The following R3HDM2 variants were observed in gnomAD, a reference collection of about 807,000 sequenced individuals.
R3HDM2 encodes the protein R3H domain containing 2, also known as R3H domain-containing protein 2.
In R3HDM2, 38 loss-of-function variants were observed where a neutral mutation model predicts 124.5. The ratio of observed to expected loss-of-function variants is 0.31; its 90% CI spans 0.24 to 0.40. The LOEUF (loss-of-function observed/expected upper bound fraction) is 0.40. R3HDM2 is among the 10% of genes least tolerant of loss of function. R3HDM2 has a pLI of 1.00. For synonymous variants in R3HDM2, 391 were observed against 448.0 expected (o/e 0.87, Z 1.61); for missense variants, 869 against 1,236.9 (o/e 0.70, Z 4.46).
At chr12:57,414,853 A>G (rs986554825) in intron 1 of R3HDM2, among the ~76,000 whole-genome samples, 2 of 152,002 alleles carry the variant, frequency 1.3e-5, no homozygotes, top group African/African-American at 2.4e-5. Flanking sequence ...AATACAAAAG[A>G]AAAGAATGAG....
At position 57,280,458 on chromosome 12, in the gene R3HDM2, C is replaced by T. The variant is rs1403574508; in HGVS notation, c.1244G>A (p.Cys415Tyr). 6.2e-7 allele frequency: 1 copy of T among 1,613,960 alleles called. No individual in the cohort carries two copies. The highest frequency in any genetic ancestry group is 8.5e-7 in the Non-Finnish European group (1 of 1,179,982). Residue 415 changes from cysteine to tyrosine, a missense_variant, in exon 14 of 24, where the codon TGT becomes TAT. Coordinates refer to ENST00000402412, the MANE Select transcript of R3HDM2 (RefSeq NM_001394031.1). The stretch of plus-strand genomic sequence containing the variant: ...CTGCTGCTGTTGCTGCTGGGCAGTA[C>T]AAGGGAGAAGCCCCCGGACAGACTG... ...SSQSVRGLLP[C>Y]TAQQQQQQQQ...
chr12:57,429,759 G>A (rs1869214302), intron 1 of R3HDM2, among the ~76,000 whole-genome samples: 1 of 150,326 alleles, frequency 6.7e-6, no homozygotes, highest in African/African-American at 2.5e-5. Context: ...GCAACAAAAA[G>A]GGGGGCGGGG....
At chr12:57,314,185 T>A in intron 2 of R3HDM2, among the ~76,000 whole-genome samples, 1 of 129,526 alleles carries the variant, frequency 7.7e-6, no homozygotes, top group Non-Finnish European at 1.6e-5. Flanking sequence ...CAAAAATCCA[T>A]CTCAAAAAAA....
chr12:57,309,821 G>A (rs1428903372), intron 3 of R3HDM2, among the ~76,000 whole-genome samples: 1 of 152,154 alleles, frequency 6.6e-6, no homozygotes, highest in African/African-American at 2.4e-5. Flanking sequence ...TGACAAAAAG[G>A]GAAGATTTCT....
At chr12:57,401,782 G>A (rs2068074095) in intron 1 of R3HDM2, among the ~76,000 whole-genome samples, 1 of 152,032 alleles carries the variant, frequency 6.6e-6, no homozygotes, top group African/African-American at 2.4e-5. Flanking sequence ...TCAGGAGTTC[G>A]AGACCAGCCT....
In R3HDM2 at chr12:57,320,261, C is replaced by CAAAAAAA. The variant is rs56207989; in HGVS notation, c.-35-9805_-35-9799dup. 3.5e-3 allele frequency among the ~76,000 whole-genome samples: 50 copies of CAAAAAAA among 14,278 alleles called. 10 individuals are homozygous for CAAAAAAA. The highest frequency in any genetic ancestry group is 0.015 in the East Asian group (2 of 136). 9.4% of individuals were successfully genotyped at this position (14,278 alleles called of 152,430 possible). On this transcript the variant is annotated intron_variant, in intron 2 of 23. Transcript: ENST00000402412. ...GGGCAACAAGAGTGCAACTCTATCT[C>CAAAAAAA]AAAAAAAAAAAAAAAAAAAAAAAAA...
At chr12:57,269,512 T>C in intron 15 of R3HDM2, 63 bp from the exon 16 acceptor site, 1 of 1,582,852 alleles carries the variant, frequency 6.3e-7, no homozygotes, top group Non-Finnish European at 8.6e-7. Context: ...ATCAGCATAC[T>C]ACTATAAATG....
At chr12:57,314,749 CA>C (rs1195968700) in intron 2 of R3HDM2, among the ~76,000 whole-genome samples, 4 of 152,166 alleles carry the variant, frequency 2.6e-5, no homozygotes, top group African/African-American at 9.7e-5. Context: ...ATTAAGTTTA[CA>C]TCTTTTATCA....
Position 57,375,908 on chromosome 12 carries a change from G to A in R3HDM2, c.-36+19841C>T, listed in dbSNP as rs150093053. On this transcript the variant is annotated intron_variant, in intron 2 of 23. Transcript: ENST00000402412. The stretch of plus-strand genomic sequence containing the variant: ...AGGATGGTCTCGATCTCCTGACCTC[G>A]TGATCCACCCACCTCGGCCTCCCAA... 2.1e-3 allele frequency among the ~76,000 whole-genome samples: 327 copies of A among 152,108 alleles called. 9 individuals are homozygous for A. In the East Asian group the frequency reaches 0.051, roughly 24 times the overall value.
intron 2 of R3HDM2, among the ~76,000 whole-genome samples, chr12:57,381,764 T>A (rs2064915036): frequency 6.6e-6 from 1 of 152,044 alleles, no homozygotes; most frequent in African/African-American, 2.4e-5. Flanking sequence ...AGGCTGAGAA[T>A]TGCAATTTTA....
chr12:57,257,308 G>A (rs1264540443), intron 21 of R3HDM2, among the ~76,000 whole-genome samples: 1 of 152,082 alleles, frequency 6.6e-6, no homozygotes, highest in African/African-American at 2.4e-5. Flanking sequence ...CATTAATGTT[G>A]CTGGAAAGGT....
chr12:57,314,763 TG>T (rs1305439514), intron 2 of R3HDM2, among the ~76,000 whole-genome samples: 3 of 150,836 alleles, frequency 2.0e-5, no homozygotes, highest in Admixed American at 6.6e-5. Context: ...TTTTATCACA[TG>T]ATAGGCCTTC....
At chr12:57,335,525 T>A (rs1361859960) in intron 2 of R3HDM2, among the ~76,000 whole-genome samples, 3 of 141,070 alleles carry the variant, frequency 2.1e-5, no homozygotes, top group Admixed American at 7.4e-5. Context: ...AGTGACAGCA[T>A]CTTGCTATGT....
At chr12:57,364,706 G>A (rs1211630458) in intron 2 of R3HDM2, among the ~76,000 whole-genome samples, 4 of 151,844 alleles carry the variant, frequency 2.6e-5, no homozygotes, top group Non-Finnish European at 5.9e-5. Flanking sequence ...TGTAATCCCA[G>A]CACTTTGGGA....
chr12:57,418,955 A>G (rs1337974641), intron 1 of R3HDM2, among the ~76,000 whole-genome samples: 1 of 152,176 alleles, frequency 6.6e-6, no homozygotes, highest in African/African-American at 2.4e-5. Context: ...AATTGCTGCC[A>G]GTTTCCTTTG....
chr12:57,398,970 G>A (rs1247307328), intron 1 of R3HDM2, among the ~76,000 whole-genome samples: 1 of 152,122 alleles, frequency 6.6e-6, no homozygotes, highest in Non-Finnish European at 1.5e-5. Context: ...GAACCATTTA[G>A]GCTAAATTGA....
chr12:57,430,489 G>GGCCCCCCCCCCCC, intron 1 of R3HDM2: 4 of 790,576 alleles, frequency 5.1e-6, no homozygotes, highest in Non-Finnish European at 6.1e-6. Context: ...CCACCCCCCT[G>GGCCCCCCCCCCCC]CCCCCGCACC....
At chr12:57,267,978 T>C (rs898821596) in intron 18 of R3HDM2, among the ~76,000 whole-genome samples, 1 of 152,202 alleles carries the variant, frequency 6.6e-6, no homozygotes, top group Non-Finnish European at 1.5e-5. Context: ...AATTTACACA[T>C]CACAGTCCAA....
In R3HDM2 at chr12:57,389,673, A is replaced by C. The variant is rs143930163; in HGVS notation, c.-36+6076T>G. Among the ~76,000 whole-genome samples the C allele has an allele frequency of 5.3e-5, 8 of 152,364 alleles. No individual in the cohort carries two copies. In the East Asian group the frequency reaches 1.5e-3, roughly 29 times the overall value. ...CACTTAGGTTGGAAAGGCTGCTTTAATTGGTCAACCTACCCTTTAAATGTA... is the reference window on the plus strand; with the variant it reads ...CACTTAGGTTGGAAAGGCTGCTTTACTTGGTCAACCTACCCTTTAAATGTA... On this transcript the variant is annotated intron_variant, in intron 2 of 23. Coordinates refer to ENST00000402412, the MANE Select transcript of R3HDM2 (RefSeq NM_001394031.1).
Sources: allele counts gnomAD v4.1 joint callset (sites outside exome capture counted in the v4.1 genomes callset), GRCh38; gene constraint gnomAD v4.1.1; transcripts MANE v1.5; gene names NCBI Gene and HGNC (gene_info 2026-07-23, HGNC 2026-07-21).